The following PACSIN1 variants were observed in gnomAD, a reference collection of about 807,000 sequenced individuals.
PACSIN1 encodes the protein protein kinase C and casein kinase substrate in neurons protein 1.
Under a neutral mutation model 59.5 loss-of-function variants are expected in PACSIN1, and 15 were observed. The observed-to-expected ratio is 0.25, with a 90% CI of 0.17 to 0.39. The LOEUF (loss-of-function observed/expected upper bound fraction) is 0.39, where lower values mean the gene tolerates loss of function less well. PACSIN1 is among the 10% of genes least tolerant of loss of function. The pLI, the probability that PACSIN1 is intolerant of heterozygous loss-of-function variation, is 1.00. For synonymous variants in PACSIN1, 210 were observed against 220.6 expected, an observed-to-expected ratio of 0.95 and a Z score of 0.42; for missense variants, 420 against 580.2, an observed-to-expected ratio of 0.72 and a Z score of 2.84.
intron 1 of PACSIN1, among the ~76,000 whole-genome samples, chr6:34,487,037 G>A (rs1033913930): frequency 2.6e-5 from 4 of 151,182 alleles, no homozygotes; most frequent in African/African-American, 7.3e-5. Flanking sequence ...GGCCGTGGTC[G>A]TGCATGCCTG....
intron 1 of PACSIN1, among the ~76,000 whole-genome samples, chr6:34,520,268 C>T (rs1315106251): frequency 2.6e-5 from 4 of 152,176 alleles, no homozygotes; most frequent in East Asian, 1.9e-4. Context: ...GTGAGCCTGT[C>T]GGTCTATCTC....
intron 1 of PACSIN1, among the ~76,000 whole-genome samples, chr6:34,500,487 A>G (rs1376819735): frequency 6.6e-6 from 1 of 152,222 alleles, no homozygotes; most frequent in African/African-American, 2.4e-5. Flanking sequence ...TAAAACATTC[A>G]GTAAACTGTG....
In PACSIN1 at chr6:34,532,029, ACGGGTTG is replaced by A. The variant is rs1223566549; in HGVS notation, c.1225+245_1225+251del. Among the ~76,000 whole-genome samples, 4 of 151,912 alleles carry A rather than the reference ACGGGTTG, an allele frequency of 2.6e-5. No homozygotes were observed. The highest frequency in any genetic ancestry group is 5.9e-5 in the Non-Finnish European group (4 of 67,970). ...GGTGGGGTAGAGGCAGGATCTGAAG[ACGGGTTG>A]CGAGGATTTGCAGGGAACTAAATGG... On this transcript the variant is annotated intron_variant, in intron 9 of 9. Transcript: ENST00000244458. The surrounding 1 kb of genome is among the most constrained non-coding windows in gnomAD (Gnocchi z 5.2).
At chr6:34,479,016 T>A (rs1241944425) in intron 1 of PACSIN1, among the ~76,000 whole-genome samples, 2 of 152,080 alleles carry the variant, frequency 1.3e-5, no homozygotes, top group Non-Finnish European at 2.9e-5. Flanking sequence ...GGGCTCACTT[T>A]ATAACAGCCT....
chr6:34,532,602 C>A lies in PACSIN1; in HGVS notation c.*72C>A. The A allele has an allele frequency of 1.3e-6, 1 of 795,236 alleles. No individual in the cohort carries two copies. Among genetic ancestry groups the A allele is most frequent in the Non-Finnish European group, 2.1e-6 (1 of 487,602 alleles). 49.3% of individuals were successfully genotyped at this position (795,236 alleles called of 1,614,324 possible). A position where few individuals can be genotyped will look rare whatever the true frequency, so the allele number is the denominator to read the frequency against. ...CTCCCCTCCCACTCTCGTCTCCTTC[C>A]CCTCGCCATAGAGTTCCAGACATAT... is the stretch of plus-strand genomic sequence containing the variant. On this transcript the variant is annotated 3_prime_UTR_variant, in exon 10 of 10. Transcript: ENST00000244458. The surrounding 1 kb of genome is among the most constrained non-coding windows in gnomAD (Gnocchi z 5.2).
intron 1 of PACSIN1, among the ~76,000 whole-genome samples, chr6:34,475,740 G>A (rs1041690591): frequency 2.6e-5 from 4 of 152,206 alleles, no homozygotes; most frequent in African/African-American, 9.7e-5. Flanking sequence ...CCTGATAGAA[G>A]GACACTGGCA....
intron 1 of PACSIN1, among the ~76,000 whole-genome samples, chr6:34,490,062 T>A (rs1410904105): frequency 6.8e-6 from 1 of 147,718 alleles, no homozygotes; most frequent in Non-Finnish European, 1.5e-5. Flanking sequence ...AAGCCTTGGA[T>A]GTTCTCTCTT....
At position 34,492,622 on chromosome 6, in the gene PACSIN1, T is replaced by C. The variant is rs182325872; in HGVS notation, c.-64+26352T>C. On this transcript the variant is annotated intron_variant, in intron 1 of 9. Coordinates refer to ENST00000244458, the MANE Select transcript of PACSIN1 (RefSeq NM_020804.5). ...GTCTCGAACTCCTGACCTCAAGTGA[T>C]CCACCCACCTCAGCCTCCCAAAGTG... Among the ~76,000 whole-genome samples the C allele has an allele frequency of 2.8e-3, 420 of 152,320 alleles. 1 individual carries two copies. Among genetic ancestry groups the C allele is most frequent in the African/African-American group, 9.4e-3 (389 of 41,576 alleles).
At chr6:34,471,771 G>T (rs1382860591) in intron 1 of PACSIN1, among the ~76,000 whole-genome samples, 2 of 152,200 alleles carry the variant, frequency 1.3e-5, no homozygotes, top group African/African-American at 4.8e-5. Flanking sequence ...TCTGAGCAGG[G>T]TGCAAAGATT....
Position 34,530,426 on chromosome 6 carries a change from T to C in PACSIN1, c.910-34T>C, listed in dbSNP as rs1011128011. ...GGCTGAAAGGTGCCTCAGGGCATAG[T>C]CCCCCAGCCTGACTGCTCCACTGGC... On this transcript the variant is annotated intron_variant, in intron 7 of 9. Transcript: ENST00000244458. The surrounding 1 kb of genome is among the most constrained non-coding windows in gnomAD (Gnocchi z 4.4). The C allele has an allele frequency of 1.3e-6, 2 of 1,596,226 alleles. No homozygotes were observed. Among genetic ancestry groups the C allele is most frequent in the African/African-American group, 1.3e-5 (1 of 74,430 alleles).
At chr6:34,522,923 G>A (rs1183632759) in intron 1 of PACSIN1, among the ~76,000 whole-genome samples, 2 of 152,176 alleles carry the variant, frequency 1.3e-5, no homozygotes, top group African/African-American at 2.4e-5. Context: ...GCCCTCAGCC[G>A]ATTGGGTGGT....
At chr6:34,511,210 CA>C (rs1425074788) in intron 1 of PACSIN1, among the ~76,000 whole-genome samples, 5 of 152,242 alleles carry the variant, frequency 3.3e-5, no homozygotes. Flanking sequence ...TTTAGTCAGA[CA>C]CCTCAGTATT....
chr6:34,470,992 C>CT, intron 1 of PACSIN1, among the ~76,000 whole-genome samples: 2 of 152,146 alleles, frequency 1.3e-5, no homozygotes, highest in South Asian at 4.2e-4. Flanking sequence ...GTCGCCCAGG[C>CT]TTGAGTGCAA....
rs759766979 is a variant in PACSIN1 at position 34,532,467 on chromosome 6, C to T, written c.1272C>T (p.Cys424=). The change falls in exon 10 of 10, where the codon TGC becomes TGT. Residue 424 remains cysteine (C), a synonymous_variant. Transcript: ENST00000244458. This position sits in a 1 kb window ranked among gnomAD's most constrained non-coding sequence, Gnocchi z 5.2. ...KLGEEDEQGW[C]RGRLDSGQLG... ...GCGAGGAGGATGAGCAGGGCTGGTG[C>T]CGTGGGCGGCTGGACAGCGGGCAGC... is the stretch of plus-strand genomic sequence containing the variant. 1 of 1,576,460 alleles carries T rather than the reference C, an allele frequency of 6.3e-7. No individual in the cohort carries two copies. The highest frequency in any genetic ancestry group is 2.3e-5 in the East Asian group (1 of 42,864).
In PACSIN1 at chr6:34,521,765, G is replaced by A. The variant is rs1021123159; in HGVS notation, c.-63-4478G>A. 6.6e-6 allele frequency among the ~76,000 whole-genome samples: 1 copy of A among 152,064 alleles called. No individual in the cohort carries two copies. Among genetic ancestry groups the A allele is most frequent in the Non-Finnish European group, 1.5e-5 (1 of 68,014 alleles). ...CGCCGACACCTGTGGAGAGCTCGCC[G>A]TGTGTCAGGCGCGGTCCAGTGGCCC... On this transcript the variant is annotated intron_variant, in intron 1 of 9. Coordinates refer to ENST00000244458, the MANE Select transcript of PACSIN1 (RefSeq NM_020804.5). This position sits in a 1 kb window ranked among gnomAD's most constrained non-coding sequence, Gnocchi z 4.3.
chr6:34,470,326 G>A lies in PACSIN1; in HGVS notation c.-64+4056G>A, dbSNP rs575270809. ...CTCCTGAGTAGCTGGGATTACAGGCGCCCACCACCACGCCCGGCTAATTTT... is the reference window on the plus strand; with the variant it reads ...CTCCTGAGTAGCTGGGATTACAGGCACCCACCACCACGCCCGGCTAATTTT... On this transcript the variant is annotated intron_variant, in intron 1 of 9. Transcript: ENST00000244458. Among the ~76,000 whole-genome samples the A allele has an allele frequency of 3.3e-3, 507 of 151,752 alleles. 4 individuals are homozygous for A. Among genetic ancestry groups the A allele is most frequent in the African/African-American group, 0.012 (482 of 41,348 alleles).
chr6:34,484,239 C>T (rs1258921800), intron 1 of PACSIN1, among the ~76,000 whole-genome samples: 1 of 152,130 alleles, frequency 6.6e-6, no homozygotes, highest in African/African-American at 2.4e-5. Context: ...AACTGTGGCA[C>T]ATCCTGGCAA....
intron 1 of PACSIN1, among the ~76,000 whole-genome samples, chr6:34,476,731 C>T (rs1037025370): frequency 6.6e-6 from 1 of 152,212 alleles, no homozygotes; most frequent in Non-Finnish European, 1.5e-5. Flanking sequence ...CACCAGCTGG[C>T]CTGGTAAGCT....
chr6:34,482,775 C>T (rs772253982), intron 1 of PACSIN1, among the ~76,000 whole-genome samples: 10 of 151,428 alleles, frequency 6.6e-5, no homozygotes, highest in Non-Finnish European at 1.3e-4. Context: ...CCCCACCTCC[C>T]GGGTTCAATA....
Sources: allele counts gnomAD v4.1 joint callset (sites outside exome capture counted in the v4.1 genomes callset), GRCh38; gene constraint gnomAD v4.1.1; non-coding constraint Gnocchi (gnomAD v3.1); transcripts MANE v1.5; gene names NCBI Gene and HGNC (gene_info 2026-07-23, HGNC 2026-07-21).